Variants in STK16 observed in about 807,000 individuals in gnomAD.
STK16 encodes the protein serine/threonine-protein kinase 16.
STK16 carries 28 observed loss-of-function variants against 37.8 expected under a neutral mutation model. That is an observed-to-expected ratio of 0.74 (90% CI 0.55 to 1.02). The LOEUF (loss-of-function observed/expected upper bound fraction) is 1.02. STK16 is among the 50% of genes least tolerant of loss of function. The pLI is 0.00. For missense variants in STK16, 349 were observed against 390.6 expected (o/e 0.89, Z 0.90); for synonymous variants, 134 against 155.0 (o/e 0.86, Z 1.01).
At position 219,246,828 on chromosome 2, in the gene STK16, G is replaced by A. The variant is rs1951544173; in HGVS notation, c.258G>A (p.Arg86=). 6.2e-7 allele frequency: 1 copy of A among 1,614,032 alleles called. No individual in the cohort carries two copies. The highest frequency in any genetic ancestry group is 1.3e-5 in the African/African-American group (1 of 75,032). ...NILRLVAYCL[R]ERGAKHEAWL... ...TTCGCCTCGTGGCTTACTGTCTGAG[G>A]GAACGGGGTGCTAAGCATGAGGCCT... The change falls in exon 3 of 8, where the codon AGG becomes AGA. Residue 86 remains arginine, a synonymous_variant. Coordinates refer to ENST00000396738, the MANE Select transcript of STK16 (RefSeq NM_001330213.2). This position sits in a 1 kb window ranked among gnomAD's most constrained non-coding sequence, Gnocchi z 4.5.
At chr2:219,245,866 C>T in intron 1 of STK16, 30 bp from the exon 2 acceptor site, 1 of 649,832 alleles carries the variant, frequency 1.5e-6, no homozygotes. Flanking sequence ...TTGTGCCGGA[C>T]CTGTGACCCT....
Position 219,245,970 on chromosome 2 carries a change from A to G in STK16, c.-30A>G, listed in dbSNP as rs1214538754. 5.0e-5 allele frequency: 80 copies of G among 1,598,154 alleles called. No homozygotes were observed. Among genetic ancestry groups the G allele is most frequent in the Non-Finnish European group, 6.6e-5 (77 of 1,167,922 alleles). On this transcript the variant is annotated 5_prime_UTR_variant, in exon 2 of 8. Coordinates refer to ENST00000396738, the MANE Select transcript of STK16 (RefSeq NM_001330213.2). ...TGGACGAGCTCTTCGGTAGCCTCAG[A>G]CCGTCCTTGAAGAGGATGACTGAGA...
In STK16 at chr2:219,250,191, GA is replaced by G; in HGVS notation, c.*1634del. 9.3e-7 allele frequency: 1 copy of G among 1,070,020 alleles called. No individual in the cohort carries two copies. Among genetic ancestry groups the G allele is most frequent in the Non-Finnish European group, 1.4e-6 (1 of 733,164 alleles). 66.3% of individuals were successfully genotyped at this position (1,070,020 alleles called of 1,614,324 possible). A position where few individuals can be genotyped will look rare whatever the true frequency, so the allele number is the denominator to read the frequency against. On this transcript the variant is annotated 3_prime_UTR_variant, in exon 8 of 8. Coordinates refer to ENST00000396738, the MANE Select transcript of STK16 (RefSeq NM_001330213.2). The surrounding 1 kb of genome is among the most constrained non-coding windows in gnomAD (Gnocchi z 8.4). ...TTTGCAGGTCTCACCTTCAGCGATG[GA>G]AGGGATAAGGGTCATGAACAGCAAA...
chr2:219,247,243 A>G lies in STK16; in HGVS notation c.437A>G (p.His146Arg). Reference sequence around the variant, plus strand: ...GCCATTCATGCCAAGGGTTATGCCCACAGGTCAGTGGGAGGACCCTGTGTG... The same window carrying G: ...GCCATTCATGCCAAGGGTTATGCCCGCAGGTCAGTGGGAGGACCCTGTGTG... ...LEAIHAKGYA[H>R]RDLKPTNILL... The change falls in exon 4 of 8, where the codon CAC (histidine) becomes CGC (arginine). Residue 146 changes from histidine (H) to arginine (R), a missense_variant. His to Arg is a conservative substitution (Grantham distance 29). Coordinates refer to ENST00000396738, the MANE Select transcript of STK16 (RefSeq NM_001330213.2). The G allele has an allele frequency of 6.2e-7, 1 of 1,614,208 alleles. No homozygotes were observed. The highest frequency in any genetic ancestry group is 8.5e-7 in the Non-Finnish European group (1 of 1,180,038).
Position 219,249,084 on chromosome 2 carries a change from T to C in STK16, c.*525T>C, listed in dbSNP as rs887050318. On this transcript the variant is annotated 3_prime_UTR_variant, in exon 8 of 8. Transcript: ENST00000396738. ...TTCTAGCTTGTCTTAGATCAAAACT[T>C]AAAGCTGCTTGGGCTCAAGCTGGCA... 1 of 152,650 alleles carries C rather than the reference T, an allele frequency of 6.6e-6. No homozygotes were observed. The highest frequency in any genetic ancestry group is 2.4e-5 in the African/African-American group (1 of 41,456). 9.5% of individuals were successfully genotyped at this position (152,650 alleles called of 1,614,324 possible). A position where few individuals can be genotyped will look rare whatever the true frequency, so the allele number is the denominator to read the frequency against.
At position 219,248,530 on chromosome 2, in the gene STK16, G is replaced by C; in HGVS notation, c.889G>C (p.Ala297Pro). The part of the protein sequence containing the change: ...LSQLEALQPP[A>P]PGQHTTQI Reference sequence around the variant, plus strand: ...TCAGCTGGAGGCGCTTCAGCCCCCAGCTCCTGGCCAACATACTACCCAAAT... The same window carrying C: ...TCAGCTGGAGGCGCTTCAGCCCCCACCTCCTGGCCAACATACTACCCAAAT... Residue 297 changes from alanine (A) to proline (P), a missense_variant, in exon 8 of 8, where the codon GCT (alanine) becomes CCT (proline). Transcript: ENST00000396738. 6.2e-7 allele frequency: 1 copy of C among 1,613,656 alleles called. No homozygotes were observed. The highest frequency in any genetic ancestry group is 8.5e-7 in the Non-Finnish European group (1 of 1,179,820).
chr2:219,246,686 G>C lies in STK16; in HGVS notation c.116G>C (p.Gly39Ala), dbSNP rs1574877786. The C allele has an allele frequency of 6.2e-7, 1 of 1,614,218 alleles. No homozygotes were observed. Among genetic ancestry groups the C allele is most frequent in the Non-Finnish European group, 8.5e-7 (1 of 1,180,042 alleles). ...GGFSYVDLVE[G>A]LHDGHFYALK... ...TTCAGCTATGTGGACCTAGTGGAAG[G>C]GTTACATGATGGACACTTCTACGCC... The change falls in exon 3 of 8, where the codon GGG becomes GCG. Residue 39 changes from glycine (G) to alanine (A), a missense_variant. Gly to Ala is a moderately conservative substitution (Grantham distance 60, BLOSUM62 0). Coordinates refer to ENST00000396738, the MANE Select transcript of STK16 (RefSeq NM_001330213.2). This position sits in a 1 kb window ranked among gnomAD's most constrained non-coding sequence, Gnocchi z 4.5.
At position 219,246,534 on chromosome 2, in the gene STK16, G is replaced by T; in HGVS notation, c.87-123G>T. The T allele has an allele frequency of 3.9e-6, 3 of 760,610 alleles. No homozygotes were observed. The East Asian group carries it at 8.0e-5, about 20-fold the overall frequency. 47.1% of individuals were successfully genotyped at this position (760,610 alleles called of 1,614,324 possible). On this transcript the variant is annotated intron_variant, in intron 2 of 7. Coordinates refer to ENST00000396738, the MANE Select transcript of STK16 (RefSeq NM_001330213.2). This position sits in a 1 kb window ranked among gnomAD's most constrained non-coding sequence, Gnocchi z 4.5. ...TAATATTCTTCAGATTTCTCTTAGA[G>T]CCACATCTTGGGAAGGTTTCTGCTA...
Position 219,246,265 on chromosome 2 carries a change from G to A in STK16, c.86+180G>A, listed in dbSNP as rs531369907. 4 of 608,074 alleles carry A rather than the reference G, an allele frequency of 6.6e-6. No individual in the cohort carries two copies. The highest frequency in any genetic ancestry group is 1.2e-5 in the Non-Finnish European group (4 of 340,470). 37.7% of individuals were successfully genotyped at this position (608,074 alleles called of 1,614,324 possible). A position where few individuals can be genotyped will look rare whatever the true frequency, so the allele number is the denominator to read the frequency against. On this transcript the variant is annotated intron_variant, in intron 2 of 7. Transcript: ENST00000396738. The surrounding 1 kb of genome is among the most constrained non-coding windows in gnomAD (Gnocchi z 4.5). ...GAGCCAGGCCTGCTAAATCCACCTCGTGTGACCTTGATAAACCATGTTTTT... is the reference window on the plus strand; with the variant it reads ...GAGCCAGGCCTGCTAAATCCACCTCATGTGACCTTGATAAACCATGTTTTT...
rs751944503 is a variant in STK16, at chr2:219,246,654, C to T, written c.87-3C>T. 1.1e-5 allele frequency: 18 copies of T among 1,613,724 alleles called. No homozygotes were observed. In the African/African-American group the frequency reaches 1.7e-4, roughly 16 times the overall value. On this transcript the variant is annotated splice_region_variant and splice_polypyrimidine_tract_variant and intron_variant, in intron 2 of 7. Coordinates refer to ENST00000396738, the MANE Select transcript of STK16 (RefSeq NM_001330213.2). The surrounding 1 kb of genome is among the most constrained non-coding windows in gnomAD (Gnocchi z 4.5). The stretch of plus-strand genomic sequence containing the variant: ...GCCCTTTATTGACCCCTTTGGCCCA[C>T]AGTGGGTTCAGCTATGTGGACCTAG...
At chr2:219,248,004 A>C in intron 6 of STK16, 189 bp from the exon 7 acceptor site, 1 of 908,986 alleles carries the variant, frequency 1.1e-6, no homozygotes, top group African/African-American at 1.6e-5. Context: ...CTGGCTAAGC[A>C]GGGGCTAAGC....
In STK16 at chr2:219,249,895, C is replaced by A. The variant is rs1176268226; in HGVS notation, c.*1336C>A. 6.2e-6 allele frequency: 1 copy of A among 161,238 alleles called. No homozygotes were observed. Among genetic ancestry groups the A allele is most frequent in the African/African-American group, 2.4e-5 (1 of 41,548 alleles). 10.0% of individuals were successfully genotyped at this position (161,238 alleles called of 1,614,324 possible). A position where few individuals can be genotyped will look rare whatever the true frequency, so the allele number is the denominator to read the frequency against. On this transcript the variant is annotated 3_prime_UTR_variant, in exon 8 of 8. Transcript: ENST00000396738. ...GGAACTCTGGGCCAGCCCAGCCCCA[C>A]TCCCAAACCCTCATAATGCACAGAG... is the stretch of plus-strand genomic sequence containing the variant.
rs544567840 is a variant in STK16 at position 219,248,092 on chromosome 2, G to A, written c.658-101G>A. The stretch of plus-strand genomic sequence containing the variant: ...GTGGTGCCATGTGGCTGAGGTCAGC[G>A]TATTCTTTTTAGCTTATGGAGTCTC... On this transcript the variant is annotated intron_variant, in intron 6 of 7. Coordinates refer to ENST00000396738, the MANE Select transcript of STK16 (RefSeq NM_001330213.2). 1.5e-4 allele frequency: 232 copies of A among 1,538,500 alleles called. 1 individual carries two copies. Among genetic ancestry groups the A allele is most frequent in the Non-Finnish European group, 1.9e-4 (211 of 1,131,212 alleles).
In STK16 at chr2:219,248,508, G is replaced by C; in HGVS notation, c.867G>C (p.Gln289His). The change falls in exon 8 of 8, where the codon CAG (glutamine) becomes CAC (histidine). Residue 289 changes from glutamine to histidine, a missense_variant. Coordinates refer to ENST00000396738, the MANE Select transcript of STK16 (RefSeq NM_001330213.2). The stretch of plus-strand genomic sequence containing the variant: ...CTCACATTCCTCTCCTCCTCAGTCA[G>C]CTGGAGGCGCTTCAGCCCCCAGCTC... ...QRPHIPLLLS[Q>H]LEALQPPAPG... is the part of the protein sequence containing the mutation. 1 of 1,613,982 alleles carries C rather than the reference G, an allele frequency of 6.2e-7. No homozygotes were observed. The highest frequency in any genetic ancestry group is 8.5e-7 in the Non-Finnish European group (1 of 1,179,902).
rs1189342799 is a variant in STK16, at chr2:219,249,177, G to A, written c.*618G>A. The stretch of plus-strand genomic sequence containing the variant: ...TAGTTCTTTCCTTCCTTCACTCCTG[G>A]GGTGAGTAGCTTAGTCAAAGCTGCC... On this transcript the variant is annotated 3_prime_UTR_variant, in exon 8 of 8. Transcript: ENST00000396738. The A allele has an allele frequency of 6.6e-6, 1 of 152,376 alleles. No homozygotes were observed. The highest frequency in any genetic ancestry group is 1.5e-5 in the Non-Finnish European group (1 of 68,064). 9.4% of individuals were successfully genotyped at this position (152,376 alleles called of 1,614,324 possible).
chr2:219,247,929 C>T (rs1172358040), intron 6 of STK16, 172 bp downstream of exon 6: 1 of 821,728 alleles, frequency 1.2e-6, no homozygotes, highest in Non-Finnish European at 2.0e-6. Context: ...CCCAGTTGTA[C>T]CGGATGTGGT....
chr2:219,246,831 A>G lies in STK16; in HGVS notation c.261A>G (p.Glu87=). 1 of 1,613,974 alleles carries G rather than the reference A, an allele frequency of 6.2e-7. No individual in the cohort carries two copies. The highest frequency in any genetic ancestry group is 1.1e-5 in the South Asian group (1 of 91,064). Residue 87 remains glutamate, a synonymous_variant, in exon 3 of 8, where the codon GAA becomes GAG. Transcript: ENST00000396738. This position sits in a 1 kb window ranked among gnomAD's most constrained non-coding sequence, Gnocchi z 4.5. ...GCCTCGTGGCTTACTGTCTGAGGGA[A>G]CGGGGTGCTAAGCATGAGGCCTGGC... The part of the protein sequence containing the change: ...ILRLVAYCLR[E]RGAKHEAWLL...
In STK16 at chr2:219,250,188, A is replaced by T. The variant is rs1008619982; in HGVS notation, c.*1629A>T. On this transcript the variant is annotated 3_prime_UTR_variant, in exon 8 of 8. Transcript: ENST00000396738. The surrounding 1 kb of genome is among the most constrained non-coding windows in gnomAD (Gnocchi z 8.4). ...CCCTTTGCAGGTCTCACCTTCAGCGATGGAAGGGATAAGGGTCATGAACAG... is the reference window on the plus strand; with the variant it reads ...CCCTTTGCAGGTCTCACCTTCAGCGTTGGAAGGGATAAGGGTCATGAACAG... 8.6e-6 allele frequency: 9 copies of T among 1,041,668 alleles called. No homozygotes were observed. The Admixed American group carries it at 2.1e-4, about 24-fold the overall frequency. 64.5% of individuals were successfully genotyped at this position (1,041,668 alleles called of 1,614,324 possible). A position where few individuals can be genotyped will look rare whatever the true frequency, so the allele number is the denominator to read the frequency against.
chr2:219,247,002 T>C, intron 3 of STK16, 111 bp from the exon 4 acceptor site: 1 of 1,548,098 alleles, frequency 6.5e-7, no homozygotes, highest in South Asian at 1.2e-5. Flanking sequence ...GATTTTGAGT[T>C]TGAGGTGTGT....
Sources: allele counts gnomAD v4.1 joint callset, GRCh38; gene constraint gnomAD v4.1.1; non-coding constraint Gnocchi (gnomAD v3.1); transcripts MANE v1.5; gene names NCBI Gene and HGNC (gene_info 2026-07-23, HGNC 2026-07-21).